BABAM2: variants seen among roughly 807,000 people sequenced by gnomAD.
BABAM2 encodes BRISC and BRCA1-A complex member 2.
In BABAM2, 31 loss-of-function variants were observed where a neutral mutation model predicts 54.7. The observed-to-expected ratio is 0.57, with a 90% CI of 0.43 to 0.77. The LOEUF (loss-of-function observed/expected upper bound fraction) is 0.77. BABAM2 is among the 30% of genes least tolerant of loss of function. BABAM2 has a pLI of 0.00. For missense variants in BABAM2, 364 were observed against 455.8 expected (o/e 0.80, Z 1.83); for synonymous variants, 167 against 162.9 (o/e 1.03, Z -0.19).
rs114270037 is a variant in BABAM2, at chr2:28,066,480, C to T, written c.570+20681C>T. Among the ~76,000 whole-genome samples the T allele has an allele frequency of 6.4e-3, 970 of 152,202 alleles. 7 individuals carry two copies. Among genetic ancestry groups the T allele is most frequent in the Non-Finnish European group, 7.9e-3 (538 of 68,012 alleles). ...ATCTATTGCTGCATAATACGTTACT[C>T]GACATTTAGTGGCTTAAGACAATAA... On this transcript the variant is annotated intron_variant, in intron 6 of 11. Transcript: ENST00000379624.
At chr2:28,250,367 A>G (rs1221132990) in intron 10 of BABAM2, among the ~76,000 whole-genome samples, 4 of 99,454 alleles carry the variant, frequency 4.0e-5, no homozygotes, top group Non-Finnish European at 8.4e-5. Flanking sequence ...TTACTTTCTT[A>G]GCGGTTTATT....
intron 2 of BABAM2, among the ~76,000 whole-genome samples, chr2:27,895,688 A>C (rs572804875): frequency 6.6e-6 from 1 of 152,208 alleles, no homozygotes; most frequent in Non-Finnish European, 1.5e-5. Flanking sequence ...GTTTCTCATC[A>C]TCCTTTTGTC....
chr2:28,017,320 T>C (rs991387699), intron 4 of BABAM2, among the ~76,000 whole-genome samples: 1 of 151,350 alleles, frequency 6.6e-6, no homozygotes, highest in Non-Finnish European at 1.5e-5. Context: ...AAAATCATGC[T>C]TGTTCAGTTC....
At chr2:28,319,548 C>G (rs1349759380) in intron 11 of BABAM2, among the ~76,000 whole-genome samples, 1 of 152,226 alleles carries the variant, frequency 6.6e-6, no homozygotes, top group Non-Finnish European at 1.5e-5. Context: ...CAGGTTAACT[C>G]TGCTTGGCCT....
chr2:28,337,547 C>T (rs912861841), intron 11 of BABAM2, among the ~76,000 whole-genome samples: 7 of 152,198 alleles, frequency 4.6e-5, no homozygotes, highest in Non-Finnish European at 8.8e-5. Flanking sequence ...ACCTGGATGC[C>T]GGAAAGGCCA....
At chr2:27,904,791 C>G (rs2148287910) in intron 2 of BABAM2, among the ~76,000 whole-genome samples, 1 of 152,292 alleles carries the variant, frequency 6.6e-6, no homozygotes, top group Non-Finnish European at 1.5e-5. Context: ...TAGACATTTT[C>G]AGACTTTCAA....
intron 11 of BABAM2, among the ~76,000 whole-genome samples, chr2:28,313,305 G>A (rs767974903): frequency 6.6e-6 from 1 of 152,252 alleles, no homozygotes; most frequent in Non-Finnish European, 1.5e-5. Flanking sequence ...GTAATGGAAT[G>A]CGCCAAAGGA....
At chr2:27,911,764 G>C (rs1217466964) in intron 2 of BABAM2, among the ~76,000 whole-genome samples, 1 of 152,018 alleles carries the variant, frequency 6.6e-6, no homozygotes, top group Non-Finnish European at 1.5e-5. Context: ...GTCCTAACTA[G>C]ACTCTTCATA....
At chr2:28,291,671 C>G (rs914496563) in intron 10 of BABAM2, among the ~76,000 whole-genome samples, 1 of 151,862 alleles carries the variant, frequency 6.6e-6, no homozygotes, top group African/African-American at 2.4e-5. Flanking sequence ...AAAAGTAGAA[C>G]ACATGTAACA....
chr2:27,941,356 A>C (rs1384442808), intron 3 of BABAM2, among the ~76,000 whole-genome samples: 2 of 152,124 alleles, frequency 1.3e-5, no homozygotes, highest in Admixed American at 6.5e-5. Context: ...CAAGGTCAGG[A>C]GTTGCCTGGC....
At chr2:28,187,030 C>A (rs1425294311) in intron 7 of BABAM2, among the ~76,000 whole-genome samples, 1 of 152,204 alleles carries the variant, frequency 6.6e-6, no homozygotes, top group Non-Finnish European at 1.5e-5. Flanking sequence ...TGGTCTCAAT[C>A]TCCTGACCTC....
intron 7 of BABAM2, among the ~76,000 whole-genome samples, chr2:28,172,688 G>T (rs76826630): frequency 6.6e-6 from 1 of 152,310 alleles, no homozygotes; most frequent in Non-Finnish European, 1.5e-5. Flanking sequence ...GTGTAATGGG[G>T]ACGAACGAGT....
intron 3 of BABAM2, among the ~76,000 whole-genome samples, chr2:27,969,677 G>A (rs922704021): frequency 6.6e-6 from 1 of 152,172 alleles, no homozygotes; most frequent in African/African-American, 2.4e-5. Context: ...AACTGAGGTT[G>A]GGGCTCGGGA....
At chr2:27,982,440 T>C (rs901746546) in intron 3 of BABAM2, among the ~76,000 whole-genome samples, 3 of 152,114 alleles carry the variant, frequency 2.0e-5, no homozygotes, top group East Asian at 3.8e-4. Flanking sequence ...TAAAGATTTA[T>C]TCTTATGTTT....
intron 6 of BABAM2, among the ~76,000 whole-genome samples, chr2:28,106,025 C>T (rs1573588674): frequency 6.7e-6 from 1 of 148,728 alleles, no homozygotes; most frequent in Non-Finnish European, 1.5e-5. Flanking sequence ...AATGTAAGAA[C>T]AATAAAAGCA....
At chr2:27,896,545 T>C (rs1199717502) in intron 2 of BABAM2, 1 of 152,420 alleles carries the variant, frequency 6.6e-6, no homozygotes, top group Non-Finnish European at 1.5e-5. Context: ...CTCTAAGAGT[T>C]AGATCCATCA....
At chr2:28,049,190 A>G (rs975434187) in intron 6 of BABAM2, among the ~76,000 whole-genome samples, 2 of 152,240 alleles carry the variant, frequency 1.3e-5, no homozygotes, top group Non-Finnish European at 2.9e-5. Flanking sequence ...TACAGAATAC[A>G]GTGAAGTTAA....
At chr2:28,045,677 T>A in intron 5 of BABAM2, 48 bp from the exon 6 acceptor site, 1 of 1,504,124 alleles carries the variant, frequency 6.6e-7, no homozygotes, top group Non-Finnish European at 9.1e-7. Flanking sequence ...TGTCACTTCA[T>A]AATCTATTTT....
chr2:28,081,900 C>A (rs891755113), intron 6 of BABAM2, among the ~76,000 whole-genome samples: 1 of 152,166 alleles, frequency 6.6e-6, no homozygotes, highest in African/African-American at 2.4e-5. Flanking sequence ...TTTTTACATG[C>A]AGTTTTTAAT....
Sources: allele counts gnomAD v4.1 joint callset (sites outside exome capture counted in the v4.1 genomes callset), GRCh38; gene constraint gnomAD v4.1.1; transcripts MANE v1.5; gene names NCBI Gene and HGNC (gene_info 2026-07-23, HGNC 2026-07-21).